Variants in ESR2 observed in about 807,000 individuals in gnomAD.
The protein encoded by ESR2 is estrogen receptor 2, also known as estrogen receptor beta.
ESR2 carries 36 observed loss-of-function variants against 49.6 expected under a neutral mutation model. The ratio of observed to expected loss-of-function variants is 0.73; its 90% CI spans 0.56 to 0.96. The LOEUF is 0.96. Ranked by LOEUF, ESR2 falls within the 40% of genes least tolerant of loss-of-function variation. The pLI is 0.00. For missense variants in ESR2, 714 were observed against 693.0 expected (o/e 1.03, Z -0.34); for synonymous variants, 320 against 266.1 (o/e 1.20, Z -1.97).
At chr14:64,303,694 A>C (rs2077055689) in intron 1 of ESR2, 1 of 152,206 alleles carries the variant, frequency 6.6e-6, no homozygotes, top group Non-Finnish European at 1.5e-5. Context: ...AAGTTTTTAG[A>C]TCATTGTATA....
intron 5 of ESR2, among the ~76,000 whole-genome samples, chr14:64,259,106 A>G (rs1422244334): frequency 6.6e-6 from 1 of 152,242 alleles, no homozygotes; most frequent in Non-Finnish European, 1.5e-5. Flanking sequence ...ATACATTTAA[A>G]GCAAAAACTA....
upstream of ESR2, among the ~76,000 whole-genome samples, chr14:64,298,155 AT>A (rs2140860347): frequency 6.6e-6 from 1 of 152,330 alleles, no homozygotes; most frequent in East Asian, 1.9e-4. Context: ...TTAGGATCAC[AT>A]CTTTTGTAGA....
rs778982958 is a variant in ESR2, at chr14:64,249,650, A to C, written c.1121T>G (p.Leu374Arg). 1.8e-5 allele frequency: 29 copies of C among 1,613,896 alleles called. No homozygotes were observed. The highest frequency in any genetic ancestry group is 2.4e-5 in the Non-Finnish European group (28 of 1,179,962). The change falls in exon 7 of 9, where the codon CTG (leucine) becomes CGG (arginine). Residue 374 changes from leucine (L) to arginine (R), a missense_variant. Physicochemically the swap from Leu to Arg is moderately radical, Grantham distance 102. Coordinates refer to ENST00000341099, the MANE Select transcript of ESR2 (RefSeq NM_001437.3). ...TGCCAGGAGCATGTCAAAGATTTCC[A>C]GAATTCCTTCTACGCATTTCCCCTC... ...RDEGKCVEGI[L>R]EIFDMLLATT... is the part of the protein sequence containing the mutation.
At chr14:64,282,041 T>G (rs1235642940) in intron 2 of ESR2, among the ~76,000 whole-genome samples, 3 of 152,204 alleles carry the variant, frequency 2.0e-5, no homozygotes, top group Non-Finnish European at 4.4e-5. Context: ...ATAACTCCAT[T>G]AAGAGTGACT....
At chr14:64,287,356 T>C (rs898308854) in intron 1 of ESR2, among the ~76,000 whole-genome samples, 1 of 152,230 alleles carries the variant, frequency 6.6e-6, no homozygotes, top group African/African-American at 2.4e-5. Context: ...ATCAGGTGCA[T>C]GGCAACTTTG....
intron 7 of ESR2, among the ~76,000 whole-genome samples, chr14:64,237,186 T>C (rs989099927): frequency 1.3e-5 from 2 of 152,036 alleles, no homozygotes; most frequent in African/African-American, 4.8e-5. Flanking sequence ...GGTCTCAAAC[T>C]CCTGACCTCG....
In ESR2 at chr14:64,230,673, A is replaced by G. The variant is rs991910755; in HGVS notation, c.*2464T>C. ...TTGTAGTCAGTCCTGGTGGGCAGTCACTATGAGACAGGCCTGACAGAGGGG... is the reference window on the plus strand; with the variant it reads ...TTGTAGTCAGTCCTGGTGGGCAGTCGCTATGAGACAGGCCTGACAGAGGGG... On this transcript the variant is annotated 3_prime_UTR_variant, in exon 9 of 9. Transcript: ENST00000341099. 2.6e-5 allele frequency among the ~76,000 whole-genome samples: 4 copies of G among 151,878 alleles called. No homozygotes were observed. The highest frequency in any genetic ancestry group is 9.7e-5 in the African/African-American group (4 of 41,320).
intron 1 of ESR2, among the ~76,000 whole-genome samples, chr14:64,313,205 G>T (rs1262662947): frequency 6.6e-6 from 1 of 151,958 alleles, no homozygotes; most frequent in Non-Finnish European, 1.5e-5. Flanking sequence ...AAACAACAAA[G>T]TTATAAGATA....
At chr14:64,278,424 C>A (rs1342263422) in intron 3 of ESR2, among the ~76,000 whole-genome samples, 2 of 152,166 alleles carry the variant, frequency 1.3e-5, no homozygotes, top group Non-Finnish European at 2.9e-5. Flanking sequence ...TGGATTCTAT[C>A]AGTATTTCTC....
chr14:64,227,956 C>T (rs2098723319), downstream of ESR2: 5 of 1,586,816 alleles, frequency 3.2e-6, no homozygotes, highest in Non-Finnish European at 4.3e-6. Flanking sequence ...TCTAATCAAA[C>T]TCAGAATGAT....
intron 1 of ESR2, among the ~76,000 whole-genome samples, chr14:64,328,814 C>T (rs2077420351): frequency 1.3e-5 from 2 of 152,208 alleles, no homozygotes; most frequent in East Asian, 3.9e-4. Flanking sequence ...TTTGTCTAAA[C>T]CTACAATATA....
chr14:64,296,079 G>T (rs1416072198), upstream of ESR2, among the ~76,000 whole-genome samples: 2 of 150,006 alleles, frequency 1.3e-5, no homozygotes, highest in African/African-American at 4.9e-5. Flanking sequence ...AGCTTCATTT[G>T]GTGGTATATA....
chr14:64,309,789 G>C (rs1295615467), intron 1 of ESR2, among the ~76,000 whole-genome samples: 1 of 151,764 alleles, frequency 6.6e-6, no homozygotes, highest in Non-Finnish European at 1.5e-5. Flanking sequence ...GACTAACATG[G>C]TGAAAGCTCG....
chr14:64,246,788 T>G (rs368818313), intron 7 of ESR2, among the ~76,000 whole-genome samples: 234 of 146,046 alleles, frequency 1.6e-3, no homozygotes, highest in African/African-American at 5.5e-3. Context: ...TGGACTTTCC[T>G]TATATGCACA....
intron 1 of ESR2, among the ~76,000 whole-genome samples, chr14:64,301,832 C>T (rs757105015): frequency 1.6e-4 from 24 of 152,120 alleles, no homozygotes; most frequent in Non-Finnish European, 3.4e-4. Flanking sequence ...TTTGTAAATT[C>T]TCAATAAATA....
chr14:64,279,172 C>T (rs1489455069), intron 3 of ESR2, among the ~76,000 whole-genome samples: 3 of 152,168 alleles, frequency 2.0e-5, no homozygotes, highest in Admixed American at 6.5e-5. Flanking sequence ...AGGTGTCCTG[C>T]CTTTTCAGGC....
At chr14:64,252,119 C>A (rs988763970) in intron 6 of ESR2, among the ~76,000 whole-genome samples, 1 of 152,026 alleles carries the variant, frequency 6.6e-6, no homozygotes, top group African/African-American at 2.4e-5. Context: ...GAGTTCTAGA[C>A]CAGCCTGGGC....
At chr14:64,335,514 A>C (rs564045142) in intron 1 of ESR2, among the ~76,000 whole-genome samples, 17 of 152,326 alleles carry the variant, frequency 1.1e-4, no homozygotes, top group South Asian at 2.1e-4. Context: ...CTGACAGAAG[A>C]AAGCTCTGGA....
At chr14:64,251,494 A>G (rs1176014784) in intron 6 of ESR2, among the ~76,000 whole-genome samples, 1 of 152,114 alleles carries the variant, frequency 6.6e-6, no homozygotes, top group East Asian at 1.9e-4. Context: ...CCTATTTTCC[A>G]GAAGTACCTG....
Sources: allele counts gnomAD v4.1 joint callset (sites outside exome capture counted in the v4.1 genomes callset), GRCh38; gene constraint gnomAD v4.1.1; transcripts MANE v1.5; gene names NCBI Gene and HGNC (gene_info 2026-07-23, HGNC 2026-07-21).